Variants in WLS observed in about 807,000 individuals in gnomAD.
WLS encodes the protein Wnt ligand secretion mediator, also known as protein wntless homolog.
Under a neutral mutation model 62.8 loss-of-function variants are expected in WLS, and 23 were observed. The ratio of observed to expected loss-of-function variants is 0.37; its 90% CI spans 0.26 to 0.52. WLS has a LOEUF of 0.52. Among genes scored for constraint, WLS ranks in the 20% least tolerant of loss-of-function variants. WLS has a pLI of 0.92. For synonymous variants in WLS, 246 were observed against 244.1 expected (o/e 1.01, Z -0.07); for missense variants, 615 against 697.3 (o/e 0.88, Z 1.33).
intron 11 of WLS, among the ~76,000 whole-genome samples, chr1:68,110,210 A>T (rs746085404): frequency 5.9e-5 from 9 of 151,880 alleles, no homozygotes; most frequent in Non-Finnish European, 1.3e-4. Flanking sequence ...AATTTTAAAA[A>T]GATTTTTAAA....
chr1:68,168,159 A>T (rs1647089588), intron 2 of WLS, among the ~76,000 whole-genome samples: 1 of 152,100 alleles, frequency 6.6e-6, no homozygotes, highest in Non-Finnish European at 1.5e-5. Context: ...TCCCCAAGAA[A>T]TCTAGGGCAG....
rs528182185 is a variant in WLS, at chr1:68,143,882, T to A, written c.1362+687A>T. On this transcript the variant is annotated intron_variant, in intron 10 of 11. Transcript: ENST00000262348. ...GTTAAGTAATCCATCCACAGTCCTA[T>A]CCAGCTAGGAAGCAACATAAATGAA... 1.8e-4 allele frequency among the ~76,000 whole-genome samples: 28 copies of A among 152,310 alleles called. No individual in the cohort carries two copies. The South Asian group carries it at 5.4e-3, about 29-fold the overall frequency.
At chr1:68,162,363 G>A (rs1570923174) in intron 2 of WLS, 1 of 1,613,970 alleles carries the variant, frequency 6.2e-7, no homozygotes, top group East Asian at 2.2e-5. Flanking sequence ...CGTTGAGATT[G>A]CAGTGCAAGG....
chr1:68,210,660 G>A (rs1366751674), intron 1 of WLS, among the ~76,000 whole-genome samples: 1 of 152,138 alleles, frequency 6.6e-6, no homozygotes, highest in Non-Finnish European at 1.5e-5. Context: ...CAAAATCTCT[G>A]TTTCTCCAGA....
chr1:68,178,715 A>AAAAAAAAAG (rs1553132467), intron 2 of WLS, among the ~76,000 whole-genome samples: 1 of 151,800 alleles, frequency 6.6e-6, no homozygotes, highest in African/African-American at 2.4e-5. Flanking sequence ...CAAAAAAAAA[A>AAAAAAAAAG]AAAAGAAAAG....
chr1:68,230,584 C>T lies in WLS; in HGVS notation c.106+1610G>A, dbSNP rs995780957. On this transcript the variant is annotated intron_variant, in intron 1 of 11. Transcript: ENST00000262348. ...AAAAGCCAACCCGTGTGTGTGTGTG[C>T]GCGCGTGTGTGTGTGTGTGTGTGTG... Among the ~76,000 whole-genome samples, 239 of 135,088 alleles carry T rather than the reference C, an allele frequency of 1.8e-3. 1 individual carries two copies. The highest frequency in any genetic ancestry group is 6.2e-3 in the African/African-American group (218 of 35,304). The allele number at this position is 135,088 out of a possible 152,430, so 88.6% of individuals were successfully genotyped here.
chr1:68,105,858 G>C (rs937056664), intron 11 of WLS, among the ~76,000 whole-genome samples: 17 of 152,128 alleles, frequency 1.1e-4, no homozygotes, highest in Non-Finnish European at 2.9e-5. Context: ...AGTGGACAGA[G>C]ACATGTCAGG....
intron 2 of WLS, among the ~76,000 whole-genome samples, chr1:68,168,959 G>A (rs12132335): frequency 0.12 from 18,428 of 152,146 alleles, 1,166 homozygotes; most frequent in Middle Eastern, 0.2. Flanking sequence ...TGGCCCTGGC[G>A]GTTTTCTTAA....
chr1:68,170,630 G>A (rs994676131), intron 2 of WLS, among the ~76,000 whole-genome samples: 14 of 152,052 alleles, frequency 9.2e-5, no homozygotes, highest in Admixed American at 3.9e-4. Flanking sequence ...ATCCCCGCTC[G>A]TGCCAGACTC....
At chr1:68,232,088 T>A in intron 1 of WLS, 106 bp downstream of exon 1, 1 of 1,464,180 alleles carries the variant, frequency 6.8e-7, no homozygotes, top group Admixed American at 1.9e-5. Flanking sequence ...ACTAATTAGA[T>A]CATAGAAGCA....
At chr1:68,173,119 A>C (rs1490682203) in intron 2 of WLS, among the ~76,000 whole-genome samples, 1 of 152,220 alleles carries the variant, frequency 6.6e-6, no homozygotes, top group Non-Finnish European at 1.5e-5. Context: ...GATATTTTCT[A>C]AGGAATTTGT....
At chr1:68,144,914 G>A (rs1469732343) in intron 9 of WLS, among the ~76,000 whole-genome samples, 1 of 152,188 alleles carries the variant, frequency 6.6e-6, no homozygotes, top group Non-Finnish European at 1.5e-5. Context: ...AACACGTCGT[G>A]AGGCTGCTAA....
intron 11 of WLS, among the ~76,000 whole-genome samples, chr1:68,111,433 C>G (rs553170597): frequency 2.0e-5 from 3 of 152,258 alleles, no homozygotes; most frequent in African/African-American, 7.2e-5. Flanking sequence ...ACCGGGCCTG[C>G]TGTCTTTTCT....
In WLS at chr1:68,216,927, T is replaced by C. The variant is rs58616212; in HGVS notation, c.106+15267A>G. On this transcript the variant is annotated intron_variant, in intron 1 of 11. Coordinates refer to ENST00000262348, the MANE Select transcript of WLS (RefSeq NM_024911.7). ...TCACTGCTGAAAAAGACAAAGTTCT[T>C]TGTTGGTAGGGCTGTGCGTTTATAC... 5.8e-3 allele frequency among the ~76,000 whole-genome samples: 884 copies of C among 152,322 alleles called. 6 individuals carry two copies. The highest frequency in any genetic ancestry group is 0.02 in the African/African-American group (840 of 41,562).
intron 1 of WLS, among the ~76,000 whole-genome samples, chr1:68,206,731 A>G (rs1289754581): frequency 6.6e-6 from 1 of 152,206 alleles, no homozygotes; most frequent in Non-Finnish European, 1.5e-5. Flanking sequence ...TTATTCAATC[A>G]ATCTTGGGCC....
rs559241893 is a variant in WLS, at chr1:68,115,165, C to T, written c.1511-16412G>A. Among the ~76,000 whole-genome samples, 116 of 152,196 alleles carry T rather than the reference C, an allele frequency of 7.6e-4. 1 individual carries two copies. Among genetic ancestry groups the T allele is most frequent in the Non-Finnish European group, 1.4e-3 (95 of 68,034 alleles). On this transcript the variant is annotated intron_variant, in intron 11 of 11. Transcript: ENST00000354777. Reference sequence around the variant, plus strand: ...TCAATGACTGCTTTTCAGGAGGTCCCTCTGGGGCTCCTTAGGGTTATGGCT... The same window carrying T: ...TCAATGACTGCTTTTCAGGAGGTCCTTCTGGGGCTCCTTAGGGTTATGGCT...
chr1:68,157,324 G>A (rs897381540), intron 3 of WLS, among the ~76,000 whole-genome samples: 3 of 152,190 alleles, frequency 2.0e-5, no homozygotes, highest in African/African-American at 7.2e-5. Context: ...GGACACCCTT[G>A]ACACAAATTT....
chr1:68,191,803 A>G (rs1648320972), intron 2 of WLS, among the ~76,000 whole-genome samples: 1 of 152,130 alleles, frequency 6.6e-6, no homozygotes, highest in South Asian at 2.1e-4. Flanking sequence ...TTCCTTCTAT[A>G]TAGAATGCTC....
intron 11 of WLS, among the ~76,000 whole-genome samples, chr1:68,131,038 G>A (rs977706354): frequency 1.0e-4 from 15 of 149,212 alleles, no homozygotes; most frequent in Non-Finnish European, 1.6e-4. Context: ...GACTACAGGC[G>A]CATGCCACCA....
Sources: allele counts gnomAD v4.1 joint callset (sites outside exome capture counted in the v4.1 genomes callset), GRCh38; gene constraint gnomAD v4.1.1; transcripts MANE v1.5; gene names NCBI Gene and HGNC (gene_info 2026-07-23, HGNC 2026-07-21).